RABGAP1L: variants seen among roughly 807,000 people sequenced by gnomAD.
The protein encoded by RABGAP1L is rab GTPase-activating protein 1-like.
A neutral mutation model predicts 137.7 loss-of-function variants in RABGAP1L; 63 were observed. The observed-to-expected ratio is 0.46, with a 90% CI of 0.37 to 0.56. The LOEUF is 0.56. Ranked by LOEUF, RABGAP1L falls within the 20% of genes least tolerant of loss-of-function variation. The pLI, the probability that RABGAP1L is intolerant of heterozygous loss-of-function variation, is 0.00. For missense variants in RABGAP1L, 1,095 were observed against 1,244.0 expected (o/e 0.88, Z 1.80); for synonymous variants, 431 against 433.7 (o/e 0.99, Z 0.08).
chr1:174,538,674 A>G (rs1179022718), intron 13 of RABGAP1L, among the ~76,000 whole-genome samples: 1 of 152,142 alleles, frequency 6.6e-6, no homozygotes, highest in South Asian at 2.1e-4. Flanking sequence ...TTATCTTTCA[A>G]AGAACTACTT....
chr1:174,570,283 G>T (rs116314793), intron 13 of RABGAP1L, among the ~76,000 whole-genome samples: 3,210 of 152,278 alleles, frequency 0.021, 118 homozygotes, highest in African/African-American at 0.074. Context: ...GTGATGCAGG[G>T]TGGTTTTCAG....
rs3056994 is a variant in RABGAP1L at position 174,192,318 on chromosome 1, G to GTT, written c.-33-26788_-33-26787dup. 2.4e-3 allele frequency among the ~76,000 whole-genome samples: 274 copies of GTT among 112,888 alleles called. 5 individuals carry two copies. Among genetic ancestry groups the GTT allele is most frequent in the African/African-American group, 8.2e-3 (229 of 27,762 alleles). 74.1% of individuals were successfully genotyped at this position (112,888 alleles called of 152,430 possible). A position where few individuals can be genotyped will look rare whatever the true frequency, so the allele number is the denominator to read the frequency against. Reference sequence around the variant, plus strand: ...AGTCACTTATCCACCTGTCTGAGGTGTTTTTTTTTTTTTTTTTTTTGGAGA... The same window carrying GTT: ...AGTCACTTATCCACCTGTCTGAGGTGTTTTTTTTTTTTTTTTTTTTTTGGAGA... On this transcript the variant is annotated intron_variant, in intron 1 of 25. Coordinates refer to ENST00000681986, the MANE Select transcript of RABGAP1L (RefSeq NM_001366446.1).
chr1:174,180,852 TG>T (rs1390859088), intron 1 of RABGAP1L, among the ~76,000 whole-genome samples: 3 of 152,220 alleles, frequency 2.0e-5, no homozygotes, highest in African/African-American at 7.2e-5. Context: ...TTTGCTTATT[TG>T]TGTTCATATA....
intron 13 of RABGAP1L, among the ~76,000 whole-genome samples, chr1:174,616,049 G>A (rs200530879): frequency 7.2e-5 from 11 of 152,210 alleles, no homozygotes; most frequent in Non-Finnish European, 1.2e-4. Context: ...GCAATGTCTT[G>A]CCCTGCTTTG....
intron 11 of RABGAP1L, among the ~76,000 whole-genome samples, chr1:174,346,466 T>G (rs1460362437): frequency 3.3e-5 from 5 of 152,178 alleles, no homozygotes; most frequent in African/African-American, 9.6e-5. Flanking sequence ...TGGTTCTATC[T>G]TGGTAAGTTG....
intron 14 of RABGAP1L, among the ~76,000 whole-genome samples, chr1:174,644,013 CATTT>C (rs1674750217): frequency 1.3e-5 from 2 of 151,390 alleles, no homozygotes; most frequent in Non-Finnish European, 1.5e-5. Context: ...ATTTCAAAAT[CATTT>C]ATTGTATTTG....
At chr1:174,539,758 T>C (rs1665210310) in intron 13 of RABGAP1L, among the ~76,000 whole-genome samples, 1 of 152,224 alleles carries the variant, frequency 6.6e-6, no homozygotes, top group South Asian at 2.1e-4. Flanking sequence ...AACATACGTA[T>C]GCATGTGTCT....
chr1:174,793,288 T>C (rs1164257490), intron 18 of RABGAP1L, among the ~76,000 whole-genome samples: 1 of 152,218 alleles, frequency 6.6e-6, no homozygotes, highest in Non-Finnish European at 1.5e-5. Context: ...ACCAAGACTA[T>C]TCAGAATGTT....
intron 14 of RABGAP1L, among the ~76,000 whole-genome samples, chr1:174,641,764 G>T (rs930979480): frequency 2.6e-5 from 4 of 152,118 alleles, no homozygotes; most frequent in African/African-American, 4.8e-5. Context: ...ATTTGTAAGG[G>T]TGTGGTGTCA....
intron 19 of RABGAP1L, among the ~76,000 whole-genome samples, chr1:174,826,783 T>G (rs1691607605): frequency 6.6e-6 from 1 of 152,216 alleles, no homozygotes; most frequent in African/African-American, 2.4e-5. Context: ...CATTCCCTTT[T>G]CTCTGCGGCC....
At chr1:174,413,951 G>A (rs1650243753) in intron 13 of RABGAP1L, among the ~76,000 whole-genome samples, 1 of 148,178 alleles carries the variant, frequency 6.7e-6, no homozygotes, top group Non-Finnish European at 1.5e-5. Context: ...CATGAAGGCA[G>A]GGATAGACCA....
chr1:174,483,329 A>G (rs1222632036), intron 13 of RABGAP1L, among the ~76,000 whole-genome samples: 1 of 151,820 alleles, frequency 6.6e-6, no homozygotes, highest in African/African-American at 2.4e-5. Context: ...TCTACTCTCT[A>G]TCTCCCTGAG....
chr1:174,374,930 C>T (rs759179957), intron 12 of RABGAP1L, among the ~76,000 whole-genome samples: 28 of 152,030 alleles, frequency 1.8e-4, no homozygotes, highest in Non-Finnish European at 3.2e-4. Flanking sequence ...TATCACCATT[C>T]TTGAGGAATT....
At chr1:174,629,000 T>G (rs954369123) in intron 13 of RABGAP1L, among the ~76,000 whole-genome samples, 2 of 152,188 alleles carry the variant, frequency 1.3e-5, no homozygotes, top group Admixed American at 1.3e-4. Flanking sequence ...TTTTTGTCCT[T>G]CCTCTTTCTT....
In RABGAP1L at chr1:174,990,023, A is replaced by G; in HGVS notation, c.*22A>G. 1.3e-6 allele frequency: 2 copies of G among 1,514,650 alleles called. No homozygotes were observed. Among genetic ancestry groups the G allele is most frequent in the Non-Finnish European group, 1.8e-6 (2 of 1,115,106 alleles). 93.8% of individuals were successfully genotyped at this position (1,514,650 alleles called of 1,614,324 possible). On this transcript the variant is annotated 3_prime_UTR_variant, in exon 26 of 26. Coordinates refer to ENST00000681986, the MANE Select transcript of RABGAP1L (RefSeq NM_001366446.1). ...ATAGTTCCAGCCTTACCCAAGCACA[A>G]GAGCACAATGTTCAAACCAATGGAA...
chr1:174,622,125 A>G (rs994662859), intron 13 of RABGAP1L, among the ~76,000 whole-genome samples: 25 of 152,250 alleles, frequency 1.6e-4, no homozygotes, highest in Admixed American at 5.9e-4. Context: ...ACTGGCCATC[A>G]GAGAAATGCA....
chr1:174,431,503 TGACA>T (rs1652623974), intron 13 of RABGAP1L, among the ~76,000 whole-genome samples: 3 of 152,208 alleles, frequency 2.0e-5, no homozygotes, highest in Admixed American at 1.3e-4. Context: ...TGGAAATAAC[TGACA>T]GCTTAAGCCT....
At chr1:174,975,383 A>G (rs1670558597) in intron 21 of RABGAP1L, among the ~76,000 whole-genome samples, 1 of 152,168 alleles carries the variant, frequency 6.6e-6, no homozygotes, top group African/African-American at 2.4e-5. Flanking sequence ...AAAAGGTGAG[A>G]GCCTGACGTG....
chr1:174,732,505 C>A (rs1682567073), intron 17 of RABGAP1L, among the ~76,000 whole-genome samples: 1 of 152,018 alleles, frequency 6.6e-6, no homozygotes, highest in Admixed American at 6.6e-5. Flanking sequence ...TATAGGTGAA[C>A]AAACGAATTT....
Sources: allele counts gnomAD v4.1 joint callset (sites outside exome capture counted in the v4.1 genomes callset), GRCh38; gene constraint gnomAD v4.1.1; transcripts MANE v1.5; gene names NCBI Gene and HGNC (gene_info 2026-07-23, HGNC 2026-07-21).